WSB2: variants seen among roughly 807,000 people sequenced by gnomAD.
WSB2 encodes WD repeat and SOCS box containing 2, also known as WD repeat and SOCS box-containing protein 2.
WSB2 carries 12 observed loss-of-function variants against 48.8 expected under a neutral mutation model. The observed-to-expected ratio is 0.25, with a 90% CI of 0.16 to 0.40. The LOEUF is 0.40. Ranked by LOEUF, WSB2 falls within the 10% of genes least tolerant of loss-of-function variation. The pLI is 1.00. For missense variants in WSB2, 317 were observed against 506.2 expected (o/e 0.63, Z 3.59); for synonymous variants, 191 against 203.1 (o/e 0.94, Z 0.51).
intron 1 of WSB2, among the ~76,000 whole-genome samples, chr12:118,053,979 A>T (rs1319281011): frequency 6.6e-6 from 1 of 152,106 alleles, no homozygotes; most frequent in Non-Finnish European, 1.5e-5. Flanking sequence ...TCATAGTTAA[A>T]TAGGTAGTAT....
chr12:118,043,356 G>A lies in WSB2; in HGVS notation c.204C>T (p.Ala68=), dbSNP rs141279657. 1.3e-6 allele frequency: 2 copies of A among 1,577,842 alleles called. No homozygotes were observed. The highest frequency in any genetic ancestry group is 2.7e-5 in the African/African-American group (2 of 73,682). ...TCTCATTTTTGCTACTTCGGCTTTT[G>A]GCTTCAAACCCTTTAGGGATGCTGG... ...EEQFIPKGFE[A]KSRSSKNETK... Residue 68 remains alanine (A), a synonymous_variant, in exon 3 of 9, where the codon GCC becomes GCT. Coordinates refer to ENST00000315436, the MANE Select transcript of WSB2 (RefSeq NM_018639.5).
intron 2 of WSB2, among the ~76,000 whole-genome samples, chr12:118,047,348 C>T (rs1444298713): frequency 6.6e-6 from 1 of 152,006 alleles, no homozygotes. Context: ...GGAGGTCGTA[C>T]CGTGGGAAAG....
intron 2 of WSB2, among the ~76,000 whole-genome samples, chr12:118,045,748 A>G (rs1189886402): frequency 6.6e-6 from 1 of 151,884 alleles, no homozygotes; most frequent in African/African-American, 2.4e-5. Flanking sequence ...ACTCTTAGCA[A>G]TTGTCAAGTG....
intron 2 of WSB2, among the ~76,000 whole-genome samples, chr12:118,045,950 T>A (rs1180406491): frequency 6.6e-6 from 1 of 152,206 alleles, no homozygotes; most frequent in Non-Finnish European, 1.5e-5. Context: ...CATGCAGTAT[T>A]TGTCTCTCTG....
In WSB2 at chr12:118,060,774, T is replaced by G. The variant is rs2032046599; in HGVS notation, c.13+262A>C. 6.6e-6 allele frequency among the ~76,000 whole-genome samples: 1 copy of G among 151,660 alleles called. No individual in the cohort carries two copies. The highest frequency in any genetic ancestry group is 1.5e-5 in the Non-Finnish European group (1 of 67,896). Reference sequence around the variant, plus strand: ...CCCCCTCTGTCCCGGTCGGGGGATCTCCTCCCGCAGAAGCCCGATCTTCCC... The same window carrying G: ...CCCCCTCTGTCCCGGTCGGGGGATCGCCTCCCGCAGAAGCCCGATCTTCCC... On this transcript the variant is annotated intron_variant, in intron 1 of 8. Transcript: ENST00000315436. The surrounding 1 kb of genome is among the most constrained non-coding windows in gnomAD (Gnocchi z 4.1).
chr12:118,058,428 A>C (rs1280020774), intron 1 of WSB2, among the ~76,000 whole-genome samples: 1 of 151,914 alleles, frequency 6.6e-6, no homozygotes, highest in African/African-American at 2.4e-5. Context: ...GCTCACTGCA[A>C]CCTCGACCTC....
upstream of WSB2, among the ~76,000 whole-genome samples, chr12:118,061,803 A>G (rs1364426031): frequency 7.1e-6 from 1 of 141,578 alleles, no homozygotes; most frequent in African/African-American, 2.6e-5. Context: ...GGTTGGAGGG[A>G]ATACTGGCCG....
rs1379456774 is a variant in WSB2, at chr12:118,060,370, G to T, written c.13+666C>A. Among the ~76,000 whole-genome samples the T allele has an allele frequency of 6.6e-6, 1 of 152,088 alleles. No homozygotes were observed. The highest frequency in any genetic ancestry group is 1.9e-4 in the East Asian group (1 of 5,194). ...CCACCCATCAGTGTATCCTAAATTT[G>T]CCTGATCATACATGTCACCAGGGAT... On this transcript the variant is annotated intron_variant, in intron 1 of 8. Transcript: ENST00000315436. This position sits in a 1 kb window ranked among gnomAD's most constrained non-coding sequence, Gnocchi z 4.1.
chr12:118,034,698 C>T, intron 8 of WSB2: 1 of 502,662 alleles, frequency 2.0e-6, no homozygotes, highest in Non-Finnish European at 3.5e-6. Flanking sequence ...TCTTTTAGCC[C>T]TAAATGGTTT....
intron 2 of WSB2, among the ~76,000 whole-genome samples, chr12:118,049,693 G>A (rs1049205055): frequency 1.3e-5 from 2 of 152,092 alleles, no homozygotes; most frequent in East Asian, 1.9e-4. Flanking sequence ...ATCAGGTACC[G>A]CGCCCAGCCC....
intron 6 of WSB2, chr12:118,036,124 C>T (rs1420804845): frequency 9.0e-6 from 4 of 442,174 alleles, no homozygotes; most frequent in Non-Finnish European, 1.6e-5. Context: ...ATCGCTTGAA[C>T]CCGGGAGGTG....
At chr12:118,040,005 C>G (rs2137771008) in intron 4 of WSB2, among the ~76,000 whole-genome samples, 1 of 152,066 alleles carries the variant, frequency 6.6e-6, no homozygotes, top group East Asian at 1.9e-4. Context: ...CTTGGCCTCC[C>G]AAAGTGCTTT....
rs141172203 is a variant in WSB2 at position 118,035,231 on chromosome 12, G to T, written c.927C>A (p.Ala309=). 11 of 1,614,206 alleles carry T rather than the reference G, an allele frequency of 6.8e-6. No individual in the cohort carries two copies. The highest frequency in any genetic ancestry group is 6.8e-6 in the Non-Finnish European group (8 of 1,180,036). Residue 309 remains alanine, a synonymous_variant, in exon 7 of 9, where the codon GCC becomes GCA. Coordinates refer to ENST00000315436, the MANE Select transcript of WSB2 (RefSeq NM_018639.5). The part of the protein sequence containing the change: ...VCFSPEGLYL[A]TVADDRLLRI... ...TTCGTTACCTGTCATCTGCCACCGT[G>T]GCAAGGTACAAGCCTTCTGGAGAGA...
chr12:118,040,215 C>G (rs1413227169), intron 4 of WSB2, among the ~76,000 whole-genome samples: 1 of 152,040 alleles, frequency 6.6e-6, no homozygotes, highest in Admixed American at 6.6e-5. Flanking sequence ...TGTCAAATCT[C>G]AGGGTGCTGG....
chr12:118,038,446 G>A (rs1057202608), intron 4 of WSB2, 58 bp from the exon 5 acceptor site: 2 of 1,530,884 alleles, frequency 1.3e-6, no homozygotes, highest in South Asian at 1.2e-5. Context: ...GAAGACTGGA[G>A]AACGGGAGAA....
At chr12:118,048,088 G>C (rs1189890482) in intron 2 of WSB2, among the ~76,000 whole-genome samples, 2 of 152,002 alleles carry the variant, frequency 1.3e-5, no homozygotes, top group South Asian at 2.1e-4. Context: ...CACCACGCCA[G>C]GCTAATTTTT....
intron 4 of WSB2, among the ~76,000 whole-genome samples, chr12:118,038,833 A>C (rs2031568839): frequency 6.6e-6 from 1 of 152,118 alleles, no homozygotes; most frequent in African/African-American, 2.4e-5. Flanking sequence ...GGGATGTGCC[A>C]CTGCGCCCAG....
At chr12:118,049,173 G>A (rs1390449434) in intron 2 of WSB2, among the ~76,000 whole-genome samples, 1 of 152,136 alleles carries the variant, frequency 6.6e-6, no homozygotes, top group Non-Finnish European at 1.5e-5. Flanking sequence ...TAGGGAATTA[G>A]TAAACAATGT....
intron 1 of WSB2, 111 bp from the exon 2 acceptor site, chr12:118,052,589 G>C: frequency 6.6e-7 from 1 of 1,511,650 alleles, no homozygotes; most frequent in Non-Finnish European, 8.9e-7. Flanking sequence ...TCCATTCCCA[G>C]AGGGAGTTGT....
Sources: allele counts gnomAD v4.1 joint callset (sites outside exome capture counted in the v4.1 genomes callset), GRCh38; gene constraint gnomAD v4.1.1; non-coding constraint Gnocchi (gnomAD v3.1); transcripts MANE v1.5; gene names NCBI Gene and HGNC (gene_info 2026-07-23, HGNC 2026-07-21).